PTPRN2: variants seen among roughly 807,000 people sequenced by gnomAD.
The protein encoded by PTPRN2 is receptor-type tyrosine-protein phosphatase N2.
PTPRN2 carries 74 observed loss-of-function variants against 118.8 expected under a neutral mutation model. The ratio of observed to expected loss-of-function variants is 0.62; its 90% CI spans 0.52 to 0.76. The LOEUF is 0.76. Among genes scored for constraint, PTPRN2 ranks in the 30% least tolerant of loss-of-function variants. The probability of loss-of-function intolerance (pLI) is 0.00; values close to 1 mark genes in which losing one functional copy is unlikely to be tolerated. For missense variants in PTPRN2, 1,481 were observed against 1,394.4 expected (o/e 1.06, Z -0.99); for synonymous variants, 641 against 608.0 (o/e 1.05, Z -0.80).
At chr7:158,145,607 C>G (rs543926582) in intron 6 of PTPRN2, among the ~76,000 whole-genome samples, 1 of 152,206 alleles carries the variant, frequency 6.6e-6, no homozygotes, top group African/African-American at 2.4e-5. Context: ...AGCACCCTGG[C>G]CAGACGCGGC....
Position 157,931,279 on chromosome 7 carries a change from C to T in PTPRN2, c.1724-32542G>A, listed in dbSNP as rs117656641. On this transcript the variant is annotated intron_variant, in intron 11 of 22. Coordinates refer to ENST00000389418, the MANE Select transcript of PTPRN2 (RefSeq NM_002847.5). Reference sequence around the variant, plus strand: ...TTTGCTGCCTAGGCCAGGTTTCTGTCGCTTGCTAATAAGAATTAATTGTGA... The same window carrying T: ...TTTGCTGCCTAGGCCAGGTTTCTGTTGCTTGCTAATAAGAATTAATTGTGA... Among the ~76,000 whole-genome samples, 977 of 152,340 alleles carry T rather than the reference C, an allele frequency of 6.4e-3. 6 individuals carry two copies. The highest frequency in any genetic ancestry group is 0.014 in the Middle Eastern group (4 of 294).
intron 1 of PTPRN2, among the ~76,000 whole-genome samples, chr7:158,557,115 CGCTCCCGCGCAGGGCAGGCG>C (rs1827080349): frequency 7.6e-6 from 1 of 131,214 alleles, no homozygotes; most frequent in African/African-American, 2.9e-5. Flanking sequence ...CTGGGCAGGT[CGCTCCCGCGCAGGGCAGGCG>C]GCTCCCGGGC....
intron 16 of PTPRN2, among the ~76,000 whole-genome samples, chr7:157,597,804 C>T (rs1801432087): frequency 6.6e-6 from 1 of 152,236 alleles, no homozygotes; most frequent in South Asian, 2.1e-4. Context: ...CCCTCCCGCC[C>T]ACCTGCCGTC....
chr7:157,817,823 G>A (rs965147697), intron 12 of PTPRN2, among the ~76,000 whole-genome samples: 1 of 152,016 alleles, frequency 6.6e-6, no homozygotes, highest in African/African-American at 2.4e-5. Context: ...GTGCATGTTT[G>A]GTGTGTGTGT....
Position 157,560,301 on chromosome 7 carries a change from ACGAAGACCCCCGAGGAGACCAT to A in PTPRN2, c.2902+8579_2902+8600del. ...AGTGAGGACGGCTCCATGCACAGGG[ACGAAGACCCCCGAGGAGACCAT>A]CGAAGGATGGTGGGCAGTGCTGCCC... On this transcript the variant is annotated intron_variant, in intron 21 of 22. Transcript: ENST00000389418. The surrounding 1 kb of genome is among the most constrained non-coding windows in gnomAD (Gnocchi z 6.7). Among the ~76,000 whole-genome samples the A allele has an allele frequency of 6.6e-6, 1 of 152,126 alleles. No individual in the cohort carries two copies. The highest frequency in any genetic ancestry group is 6.5e-5 in the Admixed American group (1 of 15,296).
At chr7:157,860,264 CCACCTGAGGACACA>C (rs1333726591) in intron 12 of PTPRN2, among the ~76,000 whole-genome samples, 1 of 152,224 alleles carries the variant, frequency 6.6e-6, no homozygotes, top group Non-Finnish European at 1.5e-5. Context: ...TGCAGTCAGG[CCACCTGAGGACACA>C]CACCTGAGGG....
Position 158,562,770 on chromosome 7 carries a change from C to T in PTPRN2, c.112+24788G>A, listed in dbSNP as rs116059829. ...TGGAAGACCGCTGGCCTGAATCATA[C>T]GTGAAGCCTTGCCACGTCAGGATCA... On this transcript the variant is annotated intron_variant, in intron 1 of 22. Transcript: ENST00000389418. Among the ~76,000 whole-genome samples, 221 of 152,290 alleles carry T rather than the reference C, an allele frequency of 1.5e-3. 2 individuals carry two copies. The highest frequency in any genetic ancestry group is 5.1e-3 in the African/African-American group (213 of 41,560).
In PTPRN2 at chr7:157,943,911, T is replaced by A. The variant is rs1016554131; in HGVS notation, c.1724-45174A>T. ...ACCATCCCCTTTTAGTGTTTTTGTA[T>A]CTGTTTTGACTCCCTATTATTTTTC... On this transcript the variant is annotated intron_variant, in intron 11 of 22. Coordinates refer to ENST00000389418, the MANE Select transcript of PTPRN2 (RefSeq NM_002847.5). Among the ~76,000 whole-genome samples the A allele has an allele frequency of 2.0e-5, 3 of 152,330 alleles. No homozygotes were observed. In the South Asian group the frequency reaches 6.2e-4, roughly 32 times the overall value.
intron 9 of PTPRN2, among the ~76,000 whole-genome samples, chr7:158,115,099 CA>C: frequency 6.6e-6 from 1 of 152,262 alleles, no homozygotes; most frequent in Non-Finnish European, 1.5e-5. Flanking sequence ...TCCAGGAGCT[CA>C]AGGCTGCAAT....
chr7:158,061,962 A>G (rs1810380903), intron 11 of PTPRN2, among the ~76,000 whole-genome samples: 1 of 152,272 alleles, frequency 6.6e-6, no homozygotes, highest in African/African-American at 2.4e-5. Flanking sequence ...GGGAGTGCCC[A>G]TGCGTGGTGT....
intron 11 of PTPRN2, among the ~76,000 whole-genome samples, chr7:157,952,225 C>T (rs912330681): frequency 7.9e-5 from 12 of 152,146 alleles, no homozygotes; most frequent in Non-Finnish European, 1.5e-4. Context: ...TCGCCAGACG[C>T]GGGCGATGGG....
At chr7:157,807,273 A>G (rs1805693343) in intron 12 of PTPRN2, among the ~76,000 whole-genome samples, 2 of 152,180 alleles carry the variant, frequency 1.3e-5, no homozygotes, top group African/African-American at 4.8e-5. Context: ...CAGACAGAGT[A>G]GGAATGCTTC....
chr7:157,837,192 C>T (rs796994118), intron 12 of PTPRN2, among the ~76,000 whole-genome samples: 60 of 38,802 alleles, frequency 1.5e-3, no homozygotes, highest in South Asian at 2.5e-3. Flanking sequence ...TCCACCCACC[C>T]ATCCACTCAC....
intron 4 of PTPRN2, among the ~76,000 whole-genome samples, chr7:158,197,810 C>T (rs186942252): frequency 6.6e-6 from 1 of 152,170 alleles, no homozygotes; most frequent in African/African-American, 2.4e-5. Flanking sequence ...ATCATGAGAA[C>T]AGCATGGAGA....
intron 11 of PTPRN2, among the ~76,000 whole-genome samples, chr7:158,039,867 G>A (rs1238791270): frequency 6.6e-5 from 10 of 152,130 alleles, no homozygotes; most frequent in South Asian, 2.1e-4. Context: ...GTGAGAAAAC[G>A]GACAATGTGT....
chr7:158,521,285 A>T (rs1312434391), intron 1 of PTPRN2, among the ~76,000 whole-genome samples: 1 of 152,220 alleles, frequency 6.6e-6, no homozygotes, highest in Non-Finnish European at 1.5e-5. Context: ...CTGAGAAAAC[A>T]TCTAGACCAA....
rs1232168752 is a variant in PTPRN2, at chr7:157,953,039, T to C, written c.1724-54302A>G. On this transcript the variant is annotated intron_variant, in intron 11 of 22. Transcript: ENST00000389418. The surrounding 1 kb of genome is among the most constrained non-coding windows in gnomAD (Gnocchi z 4.6). ...GGAGCCACCTGACCACAGGGTGAGC[T>C]GTCCAGTGCCAGGAACCACCTGACC... Among the ~76,000 whole-genome samples, 1 of 151,838 alleles carries C rather than the reference T, an allele frequency of 6.6e-6. No individual in the cohort carries two copies. Among genetic ancestry groups the C allele is most frequent in the Non-Finnish European group, 1.5e-5 (1 of 67,954 alleles).
intron 3 of PTPRN2, among the ~76,000 whole-genome samples, chr7:158,300,871 AAC>A (rs1800842207): frequency 6.6e-6 from 1 of 152,094 alleles, no homozygotes; most frequent in South Asian, 2.1e-4. Flanking sequence ...AAGGGAAATA[AAC>A]ACAGCCGAGT....
At chr7:158,342,852 C>A (rs560762467) in intron 2 of PTPRN2, among the ~76,000 whole-genome samples, 11 of 152,054 alleles carry the variant, frequency 7.2e-5, no homozygotes, top group Non-Finnish European at 1.5e-4. Context: ...CTCAGGAAAC[C>A]TCATCATCGT....
Sources: gnomAD v4.1 joint callset for allele counts (sites outside exome capture counted in the v4.1 genomes callset) on GRCh38, gnomAD v4.1.1 for gene constraint, Gnocchi (gnomAD v3.1) non-coding constraint, MANE v1.5 for transcripts, NCBI Gene and HGNC (gene_info 2026-07-23, HGNC 2026-07-21) for gene names.